TBC1D8: variants seen among roughly 807,000 people sequenced by gnomAD.
TBC1D8 encodes TBC1 domain family member 8.
TBC1D8 carries 65 observed loss-of-function variants against 118.8 expected under a neutral mutation model. The observed-to-expected ratio is 0.55, with a 90% CI of 0.45 to 0.67. The LOEUF (loss-of-function observed/expected upper bound fraction) is 0.67. Among genes scored for constraint, TBC1D8 ranks in the 30% least tolerant of loss-of-function variants. The pLI is 0.00. For synonymous variants in TBC1D8, 566 were observed against 595.8 expected, an observed-to-expected ratio of 0.95 and a Z score of 0.73; for missense variants, 1,376 against 1,471.2, an observed-to-expected ratio of 0.94 and a Z score of 1.06.
At chr2:101,137,094 G>A (rs1031075716) in intron 1 of TBC1D8, among the ~76,000 whole-genome samples, 13 of 147,344 alleles carry the variant, frequency 8.8e-5, no homozygotes, top group South Asian at 2.1e-4. Flanking sequence ...GTGCAATGGC[G>A]CGATCTCGGC....
intron 2 of TBC1D8, among the ~76,000 whole-genome samples, chr2:101,063,933 TAGAGA>T (rs1682891909): frequency 1.3e-5 from 2 of 149,714 alleles, no homozygotes; most frequent in South Asian, 4.2e-4. Context: ...GTGGGAAGGG[TAGAGA>T]AGAGAAAACA....
chr2:101,145,400 G>T (rs1419926963), intron 1 of TBC1D8, among the ~76,000 whole-genome samples: 2 of 152,190 alleles, frequency 1.3e-5, no homozygotes, highest in African/African-American at 4.8e-5. Flanking sequence ...ACCAAAGCAT[G>T]TAAGACTCTG....
chr2:101,066,874 G>A (rs1683041655), intron 2 of TBC1D8, among the ~76,000 whole-genome samples: 1 of 150,794 alleles, frequency 6.6e-6, no homozygotes, highest in African/African-American at 2.4e-5. Flanking sequence ...GAATTCAGGA[G>A]GCAGAAGTTG....
Position 101,007,887 on chromosome 2 carries a change from C to CTGA in TBC1D8, c.3399_3401dup (p.Asn1133_Gln1134insHis), listed in dbSNP as rs752440402. ...TCATTTCAAAAGTTTTGAGATTGTA[C>CTGA]TGATTGATCTTGGCATTTTCAAGTT... On this transcript the variant is annotated inframe_insertion, in exon 20 of 20. Coordinates refer to ENST00000409318, the MANE Select transcript of TBC1D8 (RefSeq NM_001330348.2). The CTGA allele has an allele frequency of 1.9e-6, 3 of 1,613,988 alleles. No homozygotes were observed. Among genetic ancestry groups the CTGA allele is most frequent in the African/African-American group, 2.7e-5 (2 of 75,038 alleles).
chr2:101,018,029 A>G, intron 17 of TBC1D8: 1 of 1,200,728 alleles, frequency 8.3e-7, no homozygotes, highest in African/African-American at 1.5e-5. Context: ...CATTCTACAT[A>G]TCAACCCCTT....
chr2:101,133,854 A>G (rs1225060623), intron 1 of TBC1D8, among the ~76,000 whole-genome samples: 2 of 152,226 alleles, frequency 1.3e-5, no homozygotes, highest in African/African-American at 4.8e-5. Flanking sequence ...GAAACTTACA[A>G]TCAGGGTGGA....
intron 2 of TBC1D8, among the ~76,000 whole-genome samples, chr2:101,066,136 T>C (rs1683000002): frequency 6.6e-6 from 1 of 151,510 alleles, no homozygotes; most frequent in Non-Finnish European, 1.5e-5. Context: ...ATACAAAAAT[T>C]AGTTGGGTGT....
Position 101,028,124 on chromosome 2 carries a change from T to C in TBC1D8, c.2375A>G (p.Glu792Gly). The C allele has an allele frequency of 6.2e-7, 1 of 1,613,812 alleles. No individual in the cohort carries two copies. The highest frequency in any genetic ancestry group is 8.5e-7 in the Non-Finnish European group (1 of 1,179,860). The change falls in exon 14 of 20, where the codon GAG becomes GGG. Residue 792 changes from glutamate to glycine, a missense_variant. Glu to Gly is a moderately conservative substitution (Grantham distance 98). Transcript: ENST00000409318. ...SYEKFGDQSV[E>G]QIEHLRYKHR... The stretch of plus-strand genomic sequence containing the variant: ...CTTGTAACGTAGGTGCTCGATCTGC[T>C]CCACAGACTGGTCTCCAAATTTCTG...
At chr2:101,051,499 T>C (rs146587413) in intron 4 of TBC1D8, among the ~76,000 whole-genome samples, 112 of 152,130 alleles carry the variant, frequency 7.4e-4, no homozygotes, top group African/African-American at 2.6e-3. Flanking sequence ...CGAAAGAAAC[T>C]ATCAACAGAG....
At chr2:101,015,806 AAAAC>A (rs1425463648) in intron 17 of TBC1D8, among the ~76,000 whole-genome samples, 2 of 152,238 alleles carry the variant, frequency 1.3e-5, no homozygotes, top group African/African-American at 4.8e-5. Flanking sequence ...AAACCTGAGA[AAAAC>A]AAGCAATGGG....
At chr2:101,142,593 C>T (rs935026211) in intron 1 of TBC1D8, among the ~76,000 whole-genome samples, 3 of 152,060 alleles carry the variant, frequency 2.0e-5, no homozygotes, top group Admixed American at 6.6e-5. Context: ...GAATGAACCA[C>T]GGCAGCTACC....
intron 1 of TBC1D8, among the ~76,000 whole-genome samples, chr2:101,122,723 T>C (rs1293939120): frequency 6.6e-6 from 1 of 151,808 alleles, no homozygotes. Context: ...ACTATTTGAG[T>C]TTTCAATTAA....
chr2:101,096,794 G>GC (rs1159621786), intron 1 of TBC1D8, among the ~76,000 whole-genome samples: 1 of 117,314 alleles, frequency 8.5e-6, no homozygotes, highest in East Asian at 2.8e-4. Context: ...TGAGAGAGAG[G>GC]GGGAGAGAGA....
At chr2:101,126,063 G>A (rs1287746445) in intron 1 of TBC1D8, among the ~76,000 whole-genome samples, 1 of 152,290 alleles carries the variant, frequency 6.6e-6, no homozygotes, top group East Asian at 1.9e-4. Context: ...GGCTGTACAA[G>A]AAGCATGGCA....
At position 101,037,706 on chromosome 2, in the gene TBC1D8, A is replaced by G. The variant is rs748634611; in HGVS notation, c.1278T>C (p.Ala426=). Residue 426 remains alanine (A), a splice_region_variant and synonymous_variant, in exon 8 of 20, where the codon GCT becomes GCC. Coordinates refer to ENST00000409318, the MANE Select transcript of TBC1D8 (RefSeq NM_001330348.2). Reference sequence around the variant, plus strand: ...TGCTTGTTGAATGAAACACGAGTGAAGCCTGCACAGCAAGAGAGACAGAGA... The same window carrying G: ...TGCTTGTTGAATGAAACACGAGTGAGGCCTGCACAGCAAGAGAGACAGAGA... ...HYDTSADDDM[A]SLVFHSTSMC... The G allele has an allele frequency of 3.7e-6, 6 of 1,612,774 alleles. No homozygotes were observed. The highest frequency in any genetic ancestry group is 2.2e-5 in the East Asian group (1 of 44,892).
intron 1 of TBC1D8, among the ~76,000 whole-genome samples, chr2:101,150,440 A>G (rs571312247): frequency 6.6e-6 from 1 of 152,308 alleles, no homozygotes; most frequent in South Asian, 2.1e-4. Flanking sequence ...AATTTCAAAG[A>G]GCTTTGGAAC....
chr2:101,050,737 G>A (rs1682020738), intron 4 of TBC1D8, 96 bp from the exon 5 acceptor site: 39 of 1,471,502 alleles, frequency 2.7e-5, no homozygotes, highest in South Asian at 6.4e-5. Flanking sequence ...TCCTTAGGCC[G>A]ATGTGTAAAT....
chr2:101,119,214 G>A (rs905903541), intron 1 of TBC1D8, among the ~76,000 whole-genome samples: 2 of 152,188 alleles, frequency 1.3e-5, no homozygotes, highest in African/African-American at 4.8e-5. Context: ...GGCAATGCAT[G>A]TTTGCCAGTA....
intron 1 of TBC1D8, among the ~76,000 whole-genome samples, chr2:101,093,018 C>T (rs1676141585): frequency 6.6e-6 from 1 of 152,176 alleles, no homozygotes; most frequent in Admixed American, 6.5e-5. Context: ...TCCTCCTCTT[C>T]AGACTACTCA....
Sources: gnomAD v4.1 joint callset for allele counts (sites outside exome capture counted in the v4.1 genomes callset) on GRCh38, gnomAD v4.1.1 for gene constraint, MANE v1.5 for transcripts, NCBI Gene and HGNC (gene_info 2026-07-23, HGNC 2026-07-21) for gene names.